AK5: variants seen among roughly 807,000 people sequenced by gnomAD.
AK5 encodes adenylate kinase isoenzyme 5.
A neutral mutation model predicts 69.5 loss-of-function variants in AK5; 27 were observed. The ratio of observed to expected loss-of-function variants is 0.39; its 90% CI spans 0.29 to 0.54. AK5 has a LOEUF of 0.54. AK5 is among the 20% of genes least tolerant of loss of function. The pLI, the probability that AK5 is intolerant of heterozygous loss-of-function variation, is 0.71. For missense variants in AK5, 531 were observed against 700.4 expected (o/e 0.76, Z 2.73); for synonymous variants, 260 against 244.4 (o/e 1.06, Z -0.60).
At chr1:77,550,462 A>G (rs1456588601) in intron 13 of AK5, among the ~76,000 whole-genome samples, 1 of 152,238 alleles carries the variant, frequency 6.6e-6, no homozygotes, top group Non-Finnish European at 1.5e-5. Context: ...CCTATATTGC[A>G]GGACGTATTA....
At chr1:77,326,883 A>C (rs1660832294) in intron 5 of AK5, among the ~76,000 whole-genome samples, 1 of 152,220 alleles carries the variant, frequency 6.6e-6, no homozygotes, top group South Asian at 2.1e-4. Flanking sequence ...ATTGCTATGC[A>C]GATTAAATAG....
chr1:77,557,525 T>C (rs61777090), intron 13 of AK5, among the ~76,000 whole-genome samples: 1 of 152,130 alleles, frequency 6.6e-6, no homozygotes, highest in Non-Finnish European at 1.5e-5. Context: ...GGCAGTACTT[T>C]CGTGCCCAGA....
chr1:77,459,630 C>A (rs992731735), intron 8 of AK5, among the ~76,000 whole-genome samples: 1 of 152,170 alleles, frequency 6.6e-6, no homozygotes, highest in Non-Finnish European at 1.5e-5. Flanking sequence ...TCAGGTAATG[C>A]CGATGGTCCA....
At chr1:77,416,015 A>C (rs1247692507) in intron 7 of AK5, among the ~76,000 whole-genome samples, 1 of 152,098 alleles carries the variant, frequency 6.6e-6, no homozygotes. Context: ...TAAAATGTCT[A>C]TTATCTTATA....
intron 8 of AK5, among the ~76,000 whole-genome samples, chr1:77,436,977 A>T (rs926253735): frequency 6.6e-6 from 1 of 152,140 alleles, no homozygotes; most frequent in African/African-American, 2.4e-5. Flanking sequence ...ATAAACAAAG[A>T]TCGTTCTCTT....
At chr1:77,320,919 A>G (rs1056507288) in intron 5 of AK5, among the ~76,000 whole-genome samples, 3 of 152,230 alleles carry the variant, frequency 2.0e-5, no homozygotes, top group Non-Finnish European at 4.4e-5. Context: ...TATATACCTA[A>G]TAAAAAGTTT....
chr1:77,447,679 G>A (rs1441268291), intron 8 of AK5, among the ~76,000 whole-genome samples: 1 of 152,182 alleles, frequency 6.6e-6, no homozygotes, highest in African/African-American at 2.4e-5. Context: ...AATCATTTGT[G>A]ATAACACAAT....
At chr1:77,448,713 GACA>G (rs1337329450) in intron 8 of AK5, among the ~76,000 whole-genome samples, 4 of 152,210 alleles carry the variant, frequency 2.6e-5, no homozygotes, top group Non-Finnish European at 5.9e-5. Context: ...CCACATTGCA[GACA>G]ACAAGAAGGA....
intron 6 of AK5, among the ~76,000 whole-genome samples, chr1:77,352,774 A>C (rs1662279385): frequency 6.6e-6 from 1 of 152,238 alleles, no homozygotes. Context: ...AAGTGAAGAA[A>C]AGAAAACATT....
intron 5 of AK5, 81 bp from the exon 6 acceptor site, chr1:77,340,296 C>A: frequency 7.2e-7 from 1 of 1,380,078 alleles, no homozygotes; most frequent in East Asian, 2.3e-5. Flanking sequence ...CTCCACAGAA[C>A]AAAAGGAAAT....
chr1:77,285,366 A>G (rs747715024), intron 1 of AK5, among the ~76,000 whole-genome samples: 2 of 152,212 alleles, frequency 1.3e-5, no homozygotes, highest in African/African-American at 2.4e-5. Flanking sequence ...TCCCTCTGCA[A>G]TTGAACTTGG....
rs1570387389 is a variant in AK5, at chr1:77,328,379, A to T, written c.700-11998A>T. ...GCCGGGCGTGGTGGCGGGAGCCTGT[A>T]ATCCCAGCTACTCAGGAGGCTGAGG... is the stretch of plus-strand genomic sequence containing the variant. On this transcript the variant is annotated intron_variant, in intron 5 of 13. Coordinates refer to ENST00000354567, the MANE Select transcript of AK5 (RefSeq NM_174858.3). Among the ~76,000 whole-genome samples the T allele has an allele frequency of 2.0e-5, 3 of 152,218 alleles. 1 individual carries two copies. Among genetic ancestry groups the T allele is most frequent in the Admixed American group, 2.0e-4 (3 of 15,294 alleles).
chr1:77,374,918 G>T (rs967562879), intron 6 of AK5, among the ~76,000 whole-genome samples: 1 of 151,948 alleles, frequency 6.6e-6, no homozygotes, highest in Non-Finnish European at 1.5e-5. Flanking sequence ...ATTAGTAAAT[G>T]CATTCTTACC....
rs1291569181 is a variant in AK5 at position 77,391,424 on chromosome 1, TATATATACATATATAC to T, written c.892-19550_892-19535del. On this transcript the variant is annotated intron_variant, in intron 6 of 13. Coordinates refer to ENST00000354567, the MANE Select transcript of AK5 (RefSeq NM_174858.3). ...ATATATACACACACATATATATGTA[TATATATACATATATAC>T]ATATATGTGTGTGTATATATATATA... is the stretch of plus-strand genomic sequence containing the variant. 3.4e-4 allele frequency among the ~76,000 whole-genome samples: 43 copies of T among 126,788 alleles called. 1 individual carries two copies. Among genetic ancestry groups the T allele is most frequent in the African/African-American group, 1.3e-3 (40 of 30,410 alleles). 83.2% of individuals were successfully genotyped at this position (126,788 alleles called of 152,430 possible).
chr1:77,307,820 G>A (rs1035295032), intron 5 of AK5, among the ~76,000 whole-genome samples: 1 of 152,130 alleles, frequency 6.6e-6, no homozygotes, highest in Non-Finnish European at 1.5e-5. Context: ...ATTTAGGACT[G>A]TTTTTTCTAT....
chr1:77,313,575 C>G (rs942583226), intron 5 of AK5, among the ~76,000 whole-genome samples: 5 of 152,062 alleles, frequency 3.3e-5, no homozygotes, highest in Non-Finnish European at 7.4e-5. Context: ...CAGCTTCCCT[C>G]CCTCCCTAGC....
chr1:77,337,404 C>T (rs1180631040), intron 5 of AK5, among the ~76,000 whole-genome samples: 1 of 152,104 alleles, frequency 6.6e-6, no homozygotes, highest in East Asian at 1.9e-4. Flanking sequence ...TATCTGCATT[C>T]AATGCTGAGT....
At chr1:77,368,245 A>ATATGT (rs1553140333) in intron 6 of AK5, among the ~76,000 whole-genome samples, 2 of 67,906 alleles carry the variant, frequency 2.9e-5, no homozygotes, top group Admixed American at 2.2e-4. Flanking sequence ...ATATATATAT[A>ATATGT]TATATATAAT....
intron 8 of AK5, among the ~76,000 whole-genome samples, chr1:77,480,570 T>A (rs949908518): frequency 6.6e-6 from 1 of 152,124 alleles, no homozygotes; most frequent in East Asian, 1.9e-4. Context: ...GCCTAGCCTA[T>A]AAGGTGGGTA....
Sources: gnomAD v4.1 joint callset for allele counts (sites outside exome capture counted in the v4.1 genomes callset) on GRCh38, gnomAD v4.1.1 for gene constraint, MANE v1.5 for transcripts, NCBI Gene and HGNC (gene_info 2026-07-23, HGNC 2026-07-21) for gene names.